DLGAP1: variants seen among roughly 807,000 people sequenced by gnomAD.
DLGAP1 encodes DLG associated protein 1, also known as disks large-associated protein 1.
In DLGAP1, 11 loss-of-function variants were observed where a neutral mutation model predicts 90.8. The observed-to-expected ratio is 0.12, with a 90% CI of 0.08 to 0.20. The LOEUF (loss-of-function observed/expected upper bound fraction) is 0.20, where lower values mean the gene tolerates loss of function less well. DLGAP1 is among the 10% of genes least tolerant of loss of function. The probability of loss-of-function intolerance (pLI) is 1.00; values close to 1 mark genes in which losing one functional copy is unlikely to be tolerated. For synonymous variants in DLGAP1, 558 were observed against 540.7 expected (o/e 1.03, Z -0.44); for missense variants, 1,050 against 1,333.8 (o/e 0.79, Z 3.31).
chr18:3,866,139 A>C (rs2070368295), intron 4 of DLGAP1, among the ~76,000 whole-genome samples: 1 of 152,212 alleles, frequency 6.6e-6, no homozygotes, highest in Non-Finnish European at 1.5e-5. Context: ...AGTCTGAGTC[A>C]ATCAGGAACT....
Position 4,118,359 on chromosome 18 carries a change from C to T in DLGAP1, c.-159+32821G>A, listed in dbSNP as rs1318658077. ...TGTCCCAGAGTGACATCCTGCTCCG[C>T]CAGCAGGTACGGAGTGTGTGTGGCC... On this transcript the variant is annotated intron_variant, in intron 2 of 12. Coordinates refer to ENST00000315677, the MANE Select transcript of DLGAP1 (RefSeq NM_004746.4). Among the ~76,000 whole-genome samples, 3 of 152,222 alleles carry T rather than the reference C, an allele frequency of 2.0e-5. No individual in the cohort carries two copies. In the East Asian group the frequency reaches 5.8e-4, roughly 29 times the overall value.
At chr18:4,308,609 T>TAACAAA in intron 1 of DLGAP1, among the ~76,000 whole-genome samples, 1 of 152,072 alleles carries the variant, frequency 6.6e-6, no homozygotes, top group Non-Finnish European at 1.5e-5. Flanking sequence ...AGATTAACAA[T>TAACAAA]AAAAACACAA....
chr18:4,234,607 G>A (rs1368240511), intron 1 of DLGAP1, among the ~76,000 whole-genome samples: 1 of 152,004 alleles, frequency 6.6e-6, no homozygotes, highest in African/African-American at 2.4e-5. Context: ...ATATAATACA[G>A]GCCTTTTGTT....
intron 5 of DLGAP1, among the ~76,000 whole-genome samples, chr18:3,778,460 A>G (rs1598712923): frequency 6.6e-6 from 1 of 152,202 alleles, no homozygotes; most frequent in Admixed American, 6.5e-5. Context: ...AAAGCAGGTC[A>G]TGCCTCTTAT....
rs547944678 is a variant in DLGAP1 at position 3,957,962 on chromosome 18, C to T, written c.-73+47154G>A. Among the ~76,000 whole-genome samples, 395 of 148,366 alleles carry T rather than the reference C, an allele frequency of 2.7e-3. 2 individuals carry two copies. The highest frequency in any genetic ancestry group is 7.5e-3 in the South Asian group (35 of 4,656). On this transcript the variant is annotated intron_variant, in intron 3 of 12. Coordinates refer to ENST00000315677, the MANE Select transcript of DLGAP1 (RefSeq NM_004746.4). ...AGGCTGGAGTGCAATGGTGTGATCT[C>T]GGCTCACTGCAACCTCTGCCTCCCA...
intron 1 of DLGAP1, among the ~76,000 whole-genome samples, chr18:4,173,789 A>G (rs1310836376): frequency 6.6e-6 from 1 of 152,242 alleles, no homozygotes; most frequent in Admixed American, 6.5e-5. Flanking sequence ...GAAGCTCAAT[A>G]TATGTAATGG....
chr18:4,116,026 T>A (rs2076058321), intron 2 of DLGAP1, among the ~76,000 whole-genome samples: 1 of 152,192 alleles, frequency 6.6e-6, no homozygotes, highest in South Asian at 2.1e-4. Context: ...TATTCTCTGG[T>A]GTGGTTTGCT....
intron 4 of DLGAP1, among the ~76,000 whole-genome samples, chr18:3,831,346 T>A (rs942523489): frequency 2.0e-5 from 3 of 152,140 alleles, no homozygotes; most frequent in Non-Finnish European, 4.4e-5. Context: ...CTTTTTTTTT[T>A]AATACTTTAA....
intron 5 of DLGAP1, among the ~76,000 whole-genome samples, chr18:3,795,342 G>T (rs1328824165): frequency 6.6e-6 from 1 of 151,724 alleles, no homozygotes; most frequent in Admixed American, 6.6e-5. Flanking sequence ...TTTGAGACAG[G>T]GTCTCTCTCT....
At chr18:3,983,835 C>T (rs2073787472) in intron 3 of DLGAP1, 1 of 152,180 alleles carries the variant, frequency 6.6e-6, no homozygotes. Flanking sequence ...ATAACAGAAT[C>T]AGCAGGACCA....
chr18:3,894,680 C>T (rs1249530371), intron 3 of DLGAP1: 1 of 151,886 alleles, frequency 6.6e-6, no homozygotes, highest in African/African-American at 2.4e-5. Context: ...TTTTTTGATT[C>T]TGTATGAATT....
intron 5 of DLGAP1, among the ~76,000 whole-genome samples, chr18:3,790,149 G>T (rs1413102098): frequency 1.3e-5 from 2 of 152,150 alleles, no homozygotes; most frequent in Admixed American, 1.3e-4. Flanking sequence ...ATTTTAGAAT[G>T]ACCTTCTTTC....
At chr18:4,093,562 T>A (rs1438225773) in intron 2 of DLGAP1, among the ~76,000 whole-genome samples, 1 of 146,534 alleles carries the variant, frequency 6.8e-6, no homozygotes, top group Non-Finnish European at 1.5e-5. Context: ...TTAAATCCAA[T>A]CTCTGAACCT....
chr18:4,309,415 CAG>C (rs1176424596), intron 1 of DLGAP1, among the ~76,000 whole-genome samples: 2 of 152,028 alleles, frequency 1.3e-5, no homozygotes, highest in Non-Finnish European at 2.9e-5. Context: ...AGAGAATTTG[CAG>C]AGTTTGCAGA....
intron 3 of DLGAP1, among the ~76,000 whole-genome samples, chr18:3,991,389 T>C (rs1420434833): frequency 6.6e-6 from 1 of 152,230 alleles, no homozygotes; most frequent in Non-Finnish European, 1.5e-5. Context: ...AGAGACATGG[T>C]TGGTTCATTT....
chr18:4,116,176 G>C (rs1446689082), intron 2 of DLGAP1, among the ~76,000 whole-genome samples: 1 of 151,980 alleles, frequency 6.6e-6, no homozygotes. Context: ...TTACTTTTTA[G>C]CACTTCAAAT....
At chr18:3,997,918 C>A (rs918558112) in intron 3 of DLGAP1, among the ~76,000 whole-genome samples, 2 of 151,930 alleles carry the variant, frequency 1.3e-5, no homozygotes, top group African/African-American at 4.8e-5. Flanking sequence ...TTTGGCCTAT[C>A]CACATTTCAA....
chr18:3,673,312 A>C (rs985452652), intron 7 of DLGAP1, among the ~76,000 whole-genome samples: 1 of 152,000 alleles, frequency 6.6e-6, no homozygotes, highest in Non-Finnish European at 1.5e-5. Flanking sequence ...GCATATCTCT[A>C]TTATGGCCCT....
chr18:3,922,716 T>A (rs1299939980), intron 3 of DLGAP1, among the ~76,000 whole-genome samples: 1 of 152,198 alleles, frequency 6.6e-6, no homozygotes, highest in Admixed American at 6.5e-5. Context: ...TTTGAAGTCA[T>A]CTCTCAGTTA....
Sources: allele counts gnomAD v4.1 joint callset (sites outside exome capture counted in the v4.1 genomes callset), GRCh38; gene constraint gnomAD v4.1.1; transcripts MANE v1.5; gene names NCBI Gene and HGNC (gene_info 2026-07-23, HGNC 2026-07-21).